Variants in PDLIM3 observed in about 807,000 individuals in gnomAD.
The protein encoded by PDLIM3 is PDZ and LIM domain protein 3.
PDLIM3 carries 36 observed loss-of-function variants against 37.3 expected under a neutral mutation model. That is an observed-to-expected ratio of 0.97 (90% CI 0.74 to 1.28). PDLIM3 has a LOEUF of 1.28. PDLIM3 is among the 50% of genes most tolerant of loss of function. PDLIM3 has a pLI of 0.00. For missense variants in PDLIM3, 454 were observed against 485.0 expected, an observed-to-expected ratio of 0.94 and a Z score of 0.60; for synonymous variants, 174 against 182.4, an observed-to-expected ratio of 0.95 and a Z score of 0.37.
intron 1 of PDLIM3, among the ~76,000 whole-genome samples, chr4:185,527,931 G>A (rs1264438116): frequency 2.0e-5 from 3 of 152,104 alleles, no homozygotes; most frequent in East Asian, 3.9e-4. Context: ...GTGCACACCT[G>A]TAGTCCCAGC....
At chr4:185,531,488 G>A (rs2095744311) in intron 1 of PDLIM3, among the ~76,000 whole-genome samples, 1 of 152,126 alleles carries the variant, frequency 6.6e-6, no homozygotes, top group Non-Finnish European at 1.5e-5. Flanking sequence ...AGATTCATCT[G>A]GCTATTTGGA....
At chr4:185,532,983 G>A (rs2153340009) in intron 1 of PDLIM3, among the ~76,000 whole-genome samples, 2 of 152,298 alleles carry the variant, frequency 1.3e-5, no homozygotes, top group Middle Eastern at 6.8e-3. Flanking sequence ...ATTTTCACAT[G>A]TGGCCTTCAG....
intron 2 of PDLIM3, among the ~76,000 whole-genome samples, chr4:185,524,093 A>G (rs964186890): frequency 1.3e-5 from 2 of 151,956 alleles, no homozygotes; most frequent in Non-Finnish European, 2.9e-5. Context: ...AGACCTCCCT[A>G]CTTCCCTCCA....
intron 3 of PDLIM3, among the ~76,000 whole-genome samples, chr4:185,518,567 A>G (rs75364573): frequency 0.029 from 4,364 of 152,240 alleles, 216 homozygotes; most frequent in African/African-American, 0.1. Flanking sequence ...ATATTTGATC[A>G]AGGCATGATG....
In PDLIM3 at chr4:185,508,572, T is replaced by C. The variant is rs199979457; in HGVS notation, c.399-10A>G. 9.9e-5 allele frequency: 159 copies of C among 1,613,544 alleles called. No homozygotes were observed. The African/African-American group carries it at 1.3e-3, about 14-fold the overall frequency. On this transcript the variant is annotated splice_polypyrimidine_tract_variant and intron_variant, in intron 4 of 7. Coordinates refer to ENST00000284767, the MANE Select transcript of PDLIM3 (RefSeq NM_014476.6). ...GGGAGTGCTGCATCCACTGTGTTAA[T>C]GGATACACGTTACACAGAGATGGCA...
intron 2 of PDLIM3, among the ~76,000 whole-genome samples, chr4:185,524,338 C>T (rs774835559): frequency 2.6e-5 from 4 of 152,134 alleles, no homozygotes; most frequent in East Asian, 1.9e-4. Flanking sequence ...TACCACAGCA[C>T]GGAAAACTGT....
intron 1 of PDLIM3, among the ~76,000 whole-genome samples, chr4:185,528,390 T>G (rs1034379408): frequency 2.6e-5 from 4 of 152,230 alleles, no homozygotes; most frequent in African/African-American, 9.6e-5. Flanking sequence ...GAATAACTAT[T>G]GGATATCTAA....
Position 185,514,972 on chromosome 4 carries a change from T to C in PDLIM3, c.331-635A>G. 1 of 1,086,498 alleles carries C rather than the reference T, an allele frequency of 9.2e-7. No individual in the cohort carries two copies. Among genetic ancestry groups the C allele is most frequent in the Non-Finnish European group, 1.3e-6 (1 of 772,386 alleles). 67.3% of individuals were successfully genotyped at this position (1,086,498 alleles called of 1,614,324 possible). ...AGCGAAACCAACAGCATCACTACTG[T>C]TAATAAAGGCATCTTTACCCACGAC... is the stretch of plus-strand genomic sequence containing the variant. On this transcript the variant is annotated intron_variant, in intron 3 of 7. Coordinates refer to ENST00000284767, the MANE Select transcript of PDLIM3 (RefSeq NM_014476.6). This position sits in a 1 kb window ranked among gnomAD's most constrained non-coding sequence, Gnocchi z 4.0.
Position 185,514,641 on chromosome 4 carries a change from A to C in PDLIM3, c.331-304T>G. ...AACAGCAAGAGCTGGACTTTTGAAA[A>C]GAAAAGAAACCATGCTATCACTGTT... is the stretch of plus-strand genomic sequence containing the variant. On this transcript the variant is annotated intron_variant, in intron 3 of 7. Transcript: ENST00000284767. This position sits in a 1 kb window ranked among gnomAD's most constrained non-coding sequence, Gnocchi z 4.0. 6.9e-7 allele frequency: 1 copy of C among 1,446,648 alleles called. No individual in the cohort carries two copies. Among genetic ancestry groups the C allele is most frequent in the Non-Finnish European group, 9.2e-7 (1 of 1,082,906 alleles). 89.6% of individuals were successfully genotyped at this position (1,446,648 alleles called of 1,614,324 possible). A position where few individuals can be genotyped will look rare whatever the true frequency, so the allele number is the denominator to read the frequency against.
intron 6 of PDLIM3, among the ~76,000 whole-genome samples, chr4:185,505,844 C>T (rs78280365): frequency 0.032 from 4,881 of 152,286 alleles, 262 homozygotes; most frequent in African/African-American, 0.11. Flanking sequence ...TTCTCCATGT[C>T]TGCCACAATA....
intron 3 of PDLIM3, among the ~76,000 whole-genome samples, chr4:185,520,025 T>C (rs552737893): frequency 5.9e-5 from 9 of 152,228 alleles, no homozygotes; most frequent in Non-Finnish European, 1.2e-4. Flanking sequence ...CAGCTTTGTA[T>C]TACTTAGAAA....
At chr4:185,526,538 G>C (rs959890141) in intron 1 of PDLIM3, among the ~76,000 whole-genome samples, 1 of 152,098 alleles carries the variant, frequency 6.6e-6, no homozygotes, top group African/African-American at 2.4e-5. Context: ...AAAATAGGAA[G>C]TTTGTAATTA....
At chr4:185,512,569 A>T in intron 4 of PDLIM3, 4 of 707,216 alleles carry the variant, frequency 5.7e-6, no homozygotes, top group Non-Finnish European at 6.9e-6. Flanking sequence ...AAAGGTGATT[A>T]TATACCTAGG....
chr4:185,515,083 T>C, intron 3 of PDLIM3: 1 of 440,324 alleles, frequency 2.3e-6, no homozygotes, highest in Admixed American at 3.9e-5. Flanking sequence ...TATTCACCGA[T>C]CAAATGTTAA....
intron 4 of PDLIM3, chr4:185,513,837 G>A: frequency 9.1e-7 from 1 of 1,098,430 alleles, no homozygotes; most frequent in Non-Finnish European, 1.1e-6. Flanking sequence ...TCTACTGAGA[G>A]ACGAGAAGGA....
intron 1 of PDLIM3, 46 bp downstream of exon 1, chr4:185,535,296 G>T: frequency 6.6e-7 from 1 of 1,524,814 alleles, no homozygotes; most frequent in Non-Finnish European, 9.0e-7. Flanking sequence ...CCCGGACGCC[G>T]CCGGAGTCCC....
intron 5 of PDLIM3, among the ~76,000 whole-genome samples, chr4:185,507,395 CACT>C (rs1414463205): frequency 2.0e-5 from 3 of 152,046 alleles, no homozygotes; most frequent in African/African-American, 7.2e-5. Flanking sequence ...ATATGTTAAG[CACT>C]ACTTTATTAT....
chr4:185,524,864 T>G lies in PDLIM3; in HGVS notation c.245+156A>C, dbSNP rs28522047. Among the ~76,000 whole-genome samples, 3,245 of 152,350 alleles carry G rather than the reference T, an allele frequency of 0.021. 111 individuals carry two copies. The highest frequency in any genetic ancestry group is 0.075 in the African/African-American group (3,100 of 41,570). ...ATTTGTCAACAACTGCTAGATTGACTGACTTTAGTAAAGAATTAAGTAGCT... is the reference window on the plus strand; with the variant it reads ...ATTTGTCAACAACTGCTAGATTGACGGACTTTAGTAAAGAATTAAGTAGCT... On this transcript the variant is annotated intron_variant, in intron 2 of 7. Coordinates refer to ENST00000284767, the MANE Select transcript of PDLIM3 (RefSeq NM_014476.6).
chr4:185,527,469 T>C (rs527754570), intron 1 of PDLIM3, among the ~76,000 whole-genome samples: 1 of 152,242 alleles, frequency 6.6e-6, no homozygotes, highest in Non-Finnish European at 1.5e-5. Context: ...ACTTTATTTC[T>C]ATGATCACCT....
Sources: gnomAD v4.1 joint callset for allele counts (sites outside exome capture counted in the v4.1 genomes callset) on GRCh38, gnomAD v4.1.1 for gene constraint, Gnocchi (gnomAD v3.1) non-coding constraint, MANE v1.5 for transcripts, NCBI Gene and HGNC (gene_info 2026-07-23, HGNC 2026-07-21) for gene names.